HS6ST1: variants seen among roughly 807,000 people sequenced by gnomAD.
The protein encoded by HS6ST1 is heparan-sulfate 6-O-sulfotransferase 1.
A neutral mutation model predicts 25.2 loss-of-function variants in HS6ST1; 3 were observed. That is an observed-to-expected ratio of 0.12 (90% confidence interval 0.05 to 0.31). The LOEUF (loss-of-function observed/expected upper bound fraction) is 0.31, where lower values mean the gene tolerates loss of function less well. Among genes scored for constraint, HS6ST1 ranks in the 10% least tolerant of loss-of-function variants. The pLI, the probability that HS6ST1 is intolerant of heterozygous loss-of-function variation, is 1.00. For synonymous variants in HS6ST1, 204 were observed against 275.1 expected (o/e 0.74, Z 2.56); for missense variants, 310 against 609.6 (o/e 0.51, Z 5.18).
intron 1 of HS6ST1, among the ~76,000 whole-genome samples, chr2:128,296,424 T>G (rs1694040403): frequency 6.6e-6 from 1 of 152,210 alleles, no homozygotes; most frequent in African/African-American, 2.4e-5. Context: ...GAAAGTTATC[T>G]CTCTTCTCAG....
intron 1 of HS6ST1, among the ~76,000 whole-genome samples, chr2:128,277,933 CA>C (rs1693719955): frequency 6.6e-6 from 1 of 152,286 alleles, no homozygotes; most frequent in African/African-American, 2.4e-5. Flanking sequence ...GCTGTTCTGA[CA>C]TTTTTCTGGG....
At chr2:128,297,686 T>C (rs529481075) in intron 1 of HS6ST1, among the ~76,000 whole-genome samples, 9 of 152,062 alleles carry the variant, frequency 5.9e-5, no homozygotes, top group South Asian at 2.1e-4. Context: ...ATACAGAAAT[T>C]AGCTGGGCGT....
intron 1 of HS6ST1, among the ~76,000 whole-genome samples, chr2:128,302,699 G>A (rs531755093): frequency 6.6e-6 from 1 of 152,130 alleles, no homozygotes; most frequent in Non-Finnish European, 1.5e-5. Context: ...TGCCACCACG[G>A]GGCTTCAAGG....
At chr2:128,284,502 C>T (rs1416111047) in intron 1 of HS6ST1, among the ~76,000 whole-genome samples, 2 of 104,414 alleles carry the variant, frequency 1.9e-5, no homozygotes, top group African/African-American at 4.5e-5. Context: ...GACATCGTCC[C>T]TCTTTTTTTT....
chr2:128,273,867 A>G (rs1693651294), intron 1 of HS6ST1, among the ~76,000 whole-genome samples: 1 of 152,202 alleles, frequency 6.6e-6, no homozygotes, highest in African/African-American at 2.4e-5. Flanking sequence ...GGCCCACCCC[A>G]GATCTAGGCA....
chr2:128,281,992 T>C (rs1236416984), intron 1 of HS6ST1, among the ~76,000 whole-genome samples: 2 of 152,232 alleles, frequency 1.3e-5, no homozygotes, highest in Admixed American at 1.3e-4. Context: ...GGACCCAGGC[T>C]GTGACTGACT....
At chr2:128,314,789 C>T (rs1410120966) in intron 1 of HS6ST1, among the ~76,000 whole-genome samples, 2 of 152,218 alleles carry the variant, frequency 1.3e-5, no homozygotes, top group African/African-American at 4.8e-5. Context: ...GGGTTCCCGG[C>T]CAAGGTGGCC....
At chr2:128,316,638 T>C (rs1463114781) in intron 1 of HS6ST1, among the ~76,000 whole-genome samples, 1 of 151,896 alleles carries the variant, frequency 6.6e-6, no homozygotes, top group African/African-American at 2.4e-5. Context: ...CCGCCAAGTG[T>C]AGAATGTGGC....
At position 128,317,938 on chromosome 2, in the gene HS6ST1, G is replaced by T. The variant is rs565718202; in HGVS notation, c.527+99C>A. 27 of 1,311,024 alleles carry T rather than the reference G, an allele frequency of 2.1e-5. 1 individual carries two copies. The East Asian group carries it at 7.5e-4, about 36-fold the overall frequency. The allele number at this position is 1,311,024 out of a possible 1,614,324, so 81.2% of individuals were successfully genotyped here. ...GTGGGGGCCCCCAAGAGGGCAGAAG[G>T]GGGTAGGGAAGGCAGGGCCGACCCA... On this transcript the variant is annotated intron_variant, in intron 1 of 1. Transcript: ENST00000259241.
chr2:128,315,559 G>C (rs575653844), intron 1 of HS6ST1, among the ~76,000 whole-genome samples: 89 of 152,294 alleles, frequency 5.8e-4, no homozygotes, highest in African/African-American at 2.1e-3. Context: ...TCGCAGGAGG[G>C]CCAGGGTGAC....
chr2:128,289,557 G>A (rs960359105), intron 1 of HS6ST1: 4 of 152,242 alleles, frequency 2.6e-5, no homozygotes, highest in Non-Finnish European at 5.9e-5. Flanking sequence ...AAGCTCCCAG[G>A]AGAACCCGGC....
chr2:128,272,322 C>T (rs189903063), intron 1 of HS6ST1, among the ~76,000 whole-genome samples: 162 of 152,306 alleles, frequency 1.1e-3, no homozygotes, highest in Non-Finnish European at 1.7e-3. Flanking sequence ...TGTGAGTGAC[C>T]GCCCCTTGGT....
rs77081887 is a variant in HS6ST1 at position 128,305,418 on chromosome 2, G to A, written c.527+12619C>T. Among the ~76,000 whole-genome samples, 79 of 152,342 alleles carry A rather than the reference G, an allele frequency of 5.2e-4. No individual in the cohort carries two copies. The East Asian group carries it at 0.013, about 24-fold the overall frequency. ...GACAAGCGGCCCTGCCTGGACTTGCGTGAGCTAAACCAACTGCTCAGACCT... is the reference window on the plus strand; with the variant it reads ...GACAAGCGGCCCTGCCTGGACTTGCATGAGCTAAACCAACTGCTCAGACCT... On this transcript the variant is annotated intron_variant, in intron 1 of 1. Coordinates refer to ENST00000259241, the MANE Select transcript of HS6ST1 (RefSeq NM_004807.3).
chr2:128,313,406 G>A (rs1314928977), intron 1 of HS6ST1, among the ~76,000 whole-genome samples: 1 of 152,186 alleles, frequency 6.6e-6, no homozygotes, highest in Non-Finnish European at 1.5e-5. Flanking sequence ...AGTTTTTAAT[G>A]ACAACAGACA....
rs1221814266 is a variant in HS6ST1, at chr2:128,268,427, G to A, written c.971C>T (p.Ala324Val). 1.8e-5 allele frequency: 29 copies of A among 1,613,482 alleles called. No homozygotes were observed. Among genetic ancestry groups the A allele is most frequent in the Non-Finnish European group, 1.9e-5 (23 of 1,179,860 alleles). The change falls in exon 2 of 2, where the codon GCG becomes GTG. Residue 324 changes from alanine to valine, a missense_variant. Around this residue, in one of 5 missense-constraint regions of HS6ST1, gnomAD observed 140 missense variants for 176.5 expected, o/e 0.79. Transcript: ENST00000259241. ...RPFMQYNSTR[A>V]GGVEVDEDTI... Reference sequence around the variant, plus strand: ...GTCTTCATCCACCTCCACGCCGCCCGCCCGCGTGCTATTGTACTGCATGAA... The same window carrying A: ...GTCTTCATCCACCTCCACGCCGCCCACCCGCGTGCTATTGTACTGCATGAA...
intron 1 of HS6ST1, among the ~76,000 whole-genome samples, chr2:128,283,399 C>A (rs1693814350): frequency 6.6e-6 from 1 of 152,214 alleles, no homozygotes. Flanking sequence ...GGCAGGGACC[C>A]CAAATGACGG....
At position 128,274,010 on chromosome 2, in the gene HS6ST1, C is replaced by T. The variant is rs530629702; in HGVS notation, c.528-5140G>A. 3.9e-5 allele frequency among the ~76,000 whole-genome samples: 6 copies of T among 152,234 alleles called. No homozygotes were observed. The South Asian group carries it at 1.2e-3, about 32-fold the overall frequency. On this transcript the variant is annotated intron_variant, in intron 1 of 1. Coordinates refer to ENST00000259241, the MANE Select transcript of HS6ST1 (RefSeq NM_004807.3). ...GCCCAGGCTCATCTAATCCCTGCCT[C>T]GCACCCCCTGCTGAAGGGTCTGTGC...
At chr2:128,304,081 C>T (rs1278107914) in intron 1 of HS6ST1, among the ~76,000 whole-genome samples, 1 of 152,236 alleles carries the variant, frequency 6.6e-6, no homozygotes, top group Non-Finnish European at 1.5e-5. Context: ...CCCAGGTTCT[C>T]AGGCCTTTGG....
At chr2:128,310,125 C>T (rs564943627) in intron 1 of HS6ST1, among the ~76,000 whole-genome samples, 24 of 152,348 alleles carry the variant, frequency 1.6e-4, no homozygotes, top group Admixed American at 2.6e-4. Flanking sequence ...TCCTTGGACT[C>T]CCAGCAGAGC....
Sources: gnomAD v4.1 joint callset for allele counts (sites outside exome capture counted in the v4.1 genomes callset) on GRCh38, gnomAD v4.1.1 for gene constraint, gnomAD v4.1.1 regional missense constraint, MANE v1.5 for transcripts, NCBI Gene and HGNC (gene_info 2026-07-23, HGNC 2026-07-21) for gene names.